ITSN1: variants seen among roughly 807,000 people sequenced by gnomAD.
ITSN1 encodes intersectin-1.
ITSN1 carries 58 observed loss-of-function variants against 239.8 expected under a neutral mutation model. That is an observed-to-expected ratio of 0.24 (90% CI 0.20 to 0.30). The LOEUF is 0.30. ITSN1 is among the 10% of genes least tolerant of loss of function. ITSN1 has a pLI of 1.00. For missense variants in ITSN1, 1,558 were observed against 2,103.3 expected (o/e 0.74, Z 5.07); for synonymous variants, 780 against 770.8 (o/e 1.01, Z -0.20).
intron 6 of ITSN1, 57 bp from the exon 7 acceptor site, chr21:33,751,753 T>C: frequency 7.5e-7 from 1 of 1,327,892 alleles, no homozygotes; most frequent in South Asian, 1.2e-5. Flanking sequence ...TTTTTGTAAA[T>C]TGGGGAAAGT....
At chr21:33,714,685 G>C (rs1419495226) in intron 1 of ITSN1, among the ~76,000 whole-genome samples, 1 of 152,020 alleles carries the variant, frequency 6.6e-6, no homozygotes, top group Non-Finnish European at 1.5e-5. Flanking sequence ...TATCATAGTT[G>C]AGTATTAAGC....
intron 1 of ITSN1, among the ~76,000 whole-genome samples, chr21:33,645,011 AG>A (rs1026057554): frequency 6.6e-4 from 101 of 152,086 alleles, no homozygotes; most frequent in African/African-American, 2.4e-3. Flanking sequence ...TTCTAGAGAC[AG>A]GGTCTCTCTG....
chr21:33,764,102 A>G (rs1338098408), intron 9 of ITSN1, among the ~76,000 whole-genome samples: 1 of 152,208 alleles, frequency 6.6e-6, no homozygotes, highest in African/African-American at 2.4e-5. Flanking sequence ...TAAACTTAAG[A>G]TCTAACATTA....
In ITSN1 at chr21:33,888,448, G is replaced by A. The variant is rs1473987590; in HGVS notation, c.*148G>A. On this transcript the variant is annotated 3_prime_UTR_variant, in exon 40 of 40. Transcript: ENST00000381318. ...AAGACAGGCCCCTCAAAGCTCCTAGGAATCATTCTCGACAATCCTCCCTGC... is the reference window on the plus strand; with the variant it reads ...AAGACAGGCCCCTCAAAGCTCCTAGAAATCATTCTCGACAATCCTCCCTGC... 1.3e-6 allele frequency: 1 copy of A among 758,428 alleles called. No individual in the cohort carries two copies. Among genetic ancestry groups the A allele is most frequent in the Non-Finnish European group, 2.1e-6 (1 of 484,478 alleles). The allele number at this position is 758,428 out of a possible 1,614,324, so 47.0% of individuals were successfully genotyped here.
intron 2 of ITSN1, among the ~76,000 whole-genome samples, chr21:33,719,675 T>G (rs565305557): frequency 1.3e-5 from 2 of 152,296 alleles, no homozygotes; most frequent in South Asian, 4.1e-4. Context: ...TATCAGCAAG[T>G]TATTTGTTGA....
chr21:33,720,684 A>G (rs1601828781), intron 2 of ITSN1, among the ~76,000 whole-genome samples: 1 of 152,184 alleles, frequency 6.6e-6, no homozygotes, highest in Admixed American at 6.6e-5. Context: ...ATTTTTAGCA[A>G]ATTATATAGA....
intron 16 of ITSN1, among the ~76,000 whole-genome samples, chr21:33,784,181 A>G (rs911668707): frequency 2.8e-4 from 42 of 152,196 alleles, no homozygotes; most frequent in Non-Finnish European, 4.0e-4. Context: ...TTTAAAAAAA[A>G]TCACAGGTCA....
At chr21:33,693,543 G>A (rs2146696774) in intron 1 of ITSN1, among the ~76,000 whole-genome samples, 1 of 152,044 alleles carries the variant, frequency 6.6e-6, no homozygotes, top group East Asian at 1.9e-4. Context: ...TTTTAGTGGG[G>A]ACAGGGTTTC....
chr21:33,666,279 G>T (rs1245632598), intron 1 of ITSN1, among the ~76,000 whole-genome samples: 3 of 152,160 alleles, frequency 2.0e-5, no homozygotes, highest in Non-Finnish European at 2.9e-5. Flanking sequence ...AATCTGTGGA[G>T]ACAGAAAGCA....
intron 1 of ITSN1, among the ~76,000 whole-genome samples, chr21:33,707,949 G>A (rs1020235783): frequency 1.3e-5 from 2 of 152,182 alleles, no homozygotes; most frequent in Non-Finnish European, 2.9e-5. Flanking sequence ...GCTGTGTAAT[G>A]TTTTAAGAAA....
At chr21:33,739,914 G>A (rs2066739858) in intron 5 of ITSN1, among the ~76,000 whole-genome samples, 1 of 152,226 alleles carries the variant, frequency 6.6e-6, no homozygotes. Context: ...CTGGAGATCA[G>A]TTAGGAGGCT....
chr21:33,644,824 T>A (rs2087780401), intron 1 of ITSN1, among the ~76,000 whole-genome samples: 1 of 127,768 alleles, frequency 7.8e-6, no homozygotes, highest in African/African-American at 2.8e-5. Flanking sequence ...GTAAATTCCT[T>A]TCCTTTTTTT....
intron 26 of ITSN1, 198 bp from the exon 27 acceptor site, chr21:33,829,426 C>T (rs367859877): frequency 1.6e-6 from 1 of 609,226 alleles, no homozygotes. Flanking sequence ...AAGGATCAGC[C>T]AGGCCCTTGA....
At chr21:33,652,158 G>C (rs1342069353) in intron 1 of ITSN1, among the ~76,000 whole-genome samples, 1 of 152,154 alleles carries the variant, frequency 6.6e-6, no homozygotes, top group Non-Finnish European at 1.5e-5. Flanking sequence ...TAGCCCGGGA[G>C]AGTTGAAGGC....
rs2268246 is a variant in ITSN1 at position 33,804,112 on chromosome 21, G to A, written c.2319+1668G>A. Among the ~76,000 whole-genome samples the A allele has an allele frequency of 7.3e-3, 1,115 of 152,202 alleles. 13 individuals are homozygous for A. Among genetic ancestry groups the A allele is most frequent in the African/African-American group, 0.025 (1,043 of 41,522 alleles). ...TCAGTCTCCCTAGGTTGAAAAATCC[G>A]GGGTTCACTTATACTTTTGTGGGCA... On this transcript the variant is annotated intron_variant, in intron 20 of 39. Coordinates refer to ENST00000381318, the MANE Select transcript of ITSN1 (RefSeq NM_003024.3).
chr21:33,677,342 CT>C (rs748470766), intron 1 of ITSN1, among the ~76,000 whole-genome samples: 1,593 of 136,744 alleles, frequency 0.012, 6 homozygotes, highest in African/African-American at 0.016. Context: ...AAGCAGAATT[CT>C]TTTTTTTTTT....
intron 5 of ITSN1, among the ~76,000 whole-genome samples, chr21:33,748,883 A>T (rs7278288): frequency 0.039 from 5,886 of 151,984 alleles, 393 homozygotes; most frequent in African/African-American, 0.14. Context: ...AAAAATATTT[A>T]AAAAAAATCA....
chr21:33,898,974 C>T lies in ITSN1; in HGVS notation c.*10674C>T, dbSNP rs1986943483. Reference sequence around the variant, plus strand: ...CTTTATTCCCAAAGATGGAGCTGTTCAGAGATTTCTTTGTTCAGGCGCAGC... The same window carrying T: ...CTTTATTCCCAAAGATGGAGCTGTTTAGAGATTTCTTTGTTCAGGCGCAGC... On this transcript the variant is annotated 3_prime_UTR_variant, in exon 40 of 40. Transcript: ENST00000381318. 6.6e-6 allele frequency: 1 copy of T among 152,244 alleles called. No homozygotes were observed. Among genetic ancestry groups the T allele is most frequent in the African/African-American group, 2.4e-5 (1 of 41,444 alleles). The allele number at this position is 152,244 out of a possible 1,614,324, so 9.4% of individuals were successfully genotyped here.
At chr21:33,680,784 A>G (rs1364726135) in intron 1 of ITSN1, among the ~76,000 whole-genome samples, 1 of 152,236 alleles carries the variant, frequency 6.6e-6, no homozygotes, top group Non-Finnish European at 1.5e-5. Flanking sequence ...AATTATCCTC[A>G]TCTACCACTT....
Sources: gnomAD v4.1 joint callset for allele counts (sites outside exome capture counted in the v4.1 genomes callset) on GRCh38, gnomAD v4.1.1 for gene constraint, MANE v1.5 for transcripts, NCBI Gene and HGNC (gene_info 2026-07-23, HGNC 2026-07-21) for gene names.